Variants in WRN observed in about 807,000 individuals in gnomAD.
WRN encodes the protein bifunctional 3'-5' exonuclease/ATP-dependent helicase WRN.
A neutral mutation model predicts 180.7 loss-of-function variants in WRN; 149 were observed. The ratio of observed to expected loss-of-function variants is 0.82; its 90% CI spans 0.72 to 0.94. WRN has a LOEUF of 0.94. Ranked by LOEUF, WRN falls within the 40% of genes least tolerant of loss-of-function variation. The probability of loss-of-function intolerance (pLI) is 0.00; values close to 1 mark genes in which losing one functional copy is unlikely to be tolerated. For missense variants in WRN, 1,661 were observed against 1,700.1 expected, an observed-to-expected ratio of 0.98 and a Z score of 0.40; for synonymous variants, 548 against 568.9, an observed-to-expected ratio of 0.96 and a Z score of 0.52.
At chr8:31,092,314 TTG>T (rs779706140) in intron 16 of WRN, among the ~76,000 whole-genome samples, 1 of 151,918 alleles carries the variant, frequency 6.6e-6, no homozygotes, top group African/African-American at 2.4e-5. Context: ...GACAAGTAAT[TTG>T]CCCAAAATCA....
intron 20 of WRN, among the ~76,000 whole-genome samples, chr8:31,117,974 G>C (rs570850684): frequency 2.0e-5 from 3 of 152,214 alleles, no homozygotes; most frequent in African/African-American, 7.2e-5. Flanking sequence ...TGGTACTACT[G>C]AATCTTAATA....
Position 31,072,633 on chromosome 8 carries a change from C to T in WRN, c.725-3540C>T, listed in dbSNP as rs560403144. On this transcript the variant is annotated intron_variant, in intron 7 of 34. Coordinates refer to ENST00000298139, the MANE Select transcript of WRN (RefSeq NM_000553.6). ...CAGGCCTCTGCATCTGGCTTGAAAA[C>T]AACATTTTCTCAGAAGCTTGTTTTA... Among the ~76,000 whole-genome samples the T allele has an allele frequency of 8.5e-5, 13 of 152,304 alleles. No homozygotes were observed. The East Asian group carries it at 2.1e-3, about 25-fold the overall frequency.
At chr8:31,083,980 A>C (rs1483322069) in intron 10 of WRN, among the ~76,000 whole-genome samples, 1 of 152,054 alleles carries the variant, frequency 6.6e-6, no homozygotes, top group African/African-American at 2.4e-5. Context: ...ACTAATTTTA[A>C]ATGTGCTTTC....
At position 31,174,239 on chromosome 8, in the gene WRN, T is replaced by G. The variant is rs1804199880; in HGVS notation, c.*1137T>G. On this transcript the variant is annotated 3_prime_UTR_variant, in exon 35 of 35. Transcript: ENST00000298139. ...GATATGTTGTTGTCCAGCCATGGCT[T>G]CTGCATTTGCATGCTTTTGTGTGTG... is the stretch of plus-strand genomic sequence containing the variant. Among the ~76,000 whole-genome samples the G allele has an allele frequency of 6.6e-6, 1 of 152,248 alleles. No homozygotes were observed. The highest frequency in any genetic ancestry group is 2.4e-5 in the African/African-American group (1 of 41,470).
chr8:31,132,908 A>G (rs184556414), intron 24 of WRN, among the ~76,000 whole-genome samples: 3 of 152,352 alleles, frequency 2.0e-5, no homozygotes, highest in Admixed American at 1.3e-4. Context: ...AACTTTAGTT[A>G]TAGGGATTAT....
At chr8:31,071,737 C>T (rs974510364) in intron 7 of WRN, among the ~76,000 whole-genome samples, 1 of 152,186 alleles carries the variant, frequency 6.6e-6, no homozygotes, top group East Asian at 1.9e-4. Context: ...CCACCTCAGC[C>T]TCCCAAAGTG....
At chr8:31,123,909 T>C (rs946030249) in intron 21 of WRN, among the ~76,000 whole-genome samples, 1 of 152,108 alleles carries the variant, frequency 6.6e-6, no homozygotes, top group Non-Finnish European at 1.5e-5. Context: ...TATTTAACAA[T>C]TTTGAATAAA....
Position 31,157,423 on chromosome 8 carries a change from C to T in WRN, c.3875C>T (p.Ser1292Phe), listed in dbSNP as rs142614369. 2 of 1,614,010 alleles carry T rather than the reference C, an allele frequency of 1.2e-6. No homozygotes were observed. Among genetic ancestry groups the T allele is most frequent in the East Asian group, 2.2e-5 (1 of 44,892 alleles). The stretch of plus-strand genomic sequence containing the variant: ...CTCATGACAATTGGCATGCACTTAT[C>T]CCAAGCGGTGAAAGCTGGCTGCCCC... ...LPLMTIGMHL[S>F]QAVKAGCPLD... is the part of the protein sequence containing the mutation. The change falls in exon 33 of 35, where the codon TCC becomes TTC. Residue 1292 changes from serine to phenylalanine, a missense_variant. Transcript: ENST00000298139.
chr8:31,138,361 A>T (rs1258925494), intron 24 of WRN, among the ~76,000 whole-genome samples: 2 of 152,198 alleles, frequency 1.3e-5, no homozygotes, highest in Non-Finnish European at 2.9e-5. Context: ...ATTTGATGTT[A>T]TGGGTTACCT....
intron 11 of WRN, among the ~76,000 whole-genome samples, chr8:31,087,068 C>A (rs1813563022): frequency 6.7e-6 from 1 of 149,952 alleles, no homozygotes; most frequent in Non-Finnish European, 1.5e-5. Context: ...TAAAAAAAAA[C>A]CTTCAAAATG....
chr8:31,151,826 A>G (rs1242747540), intron 31 of WRN, among the ~76,000 whole-genome samples: 2 of 152,160 alleles, frequency 1.3e-5, no homozygotes, highest in Non-Finnish European at 2.9e-5. Context: ...GCAAATTGAA[A>G]TGAATTATTT....
intron 31 of WRN, among the ~76,000 whole-genome samples, chr8:31,151,466 C>A (rs571669812): frequency 6.6e-6 from 1 of 152,180 alleles, no homozygotes; most frequent in African/African-American, 2.4e-5. Flanking sequence ...TTTGAATTTT[C>A]TTTTTCATAC....
intron 1 of WRN, among the ~76,000 whole-genome samples, chr8:31,043,253 A>G (rs1002765326): frequency 6.6e-6 from 1 of 152,210 alleles, no homozygotes; most frequent in Non-Finnish European, 1.5e-5. Flanking sequence ...CCCGTACCAG[A>G]GGAGAGTCCC....
intron 1 of WRN, among the ~76,000 whole-genome samples, chr8:31,046,954 G>T (rs543887549): frequency 3.3e-5 from 5 of 152,228 alleles, no homozygotes; most frequent in African/African-American, 1.2e-4. Context: ...TGTCCGAAAA[G>T]ACTGTATTTG....
Position 31,167,237 on chromosome 8 carries a change from A to G in WRN, c.4191+7A>G, listed in dbSNP as rs748443190. 128 of 1,606,378 alleles carry G rather than the reference A, an allele frequency of 8.0e-5. No homozygotes were observed. Among genetic ancestry groups the G allele is most frequent in the Non-Finnish European group, 1.1e-4 (126 of 1,174,808 alleles). ...AGTAGGCATCAATACTGAGGTATTA[A>G]TTATATATAGAATTTTCATAAAGTG... On this transcript the variant is annotated splice_region_variant and intron_variant, in intron 34 of 34. Transcript: ENST00000298139.
At position 31,126,541 on chromosome 8, in the gene WRN, G is replaced by T. The variant is rs11574325; in HGVS notation, c.2825+1541G>T. Among the ~76,000 whole-genome samples the T allele has an allele frequency of 1.6e-3, 237 of 152,122 alleles. 12 individuals are homozygous for T. The East Asian group carries it at 0.039, about 25-fold the overall frequency. On this transcript the variant is annotated intron_variant, in intron 23 of 34. Coordinates refer to ENST00000298139, the MANE Select transcript of WRN (RefSeq NM_000553.6). The stretch of plus-strand genomic sequence containing the variant: ...ATACCTATGTAATAAAAGAAGAAAG[G>T]TCTCAAATCAGTACCTAAGCTTACA...
chr8:31,172,686 G>C lies in WRN; in HGVS notation c.4192-309G>C, dbSNP rs553061329. 7.9e-4 allele frequency among the ~76,000 whole-genome samples: 120 copies of C among 152,266 alleles called. 2 individuals are homozygous for C. Among genetic ancestry groups the C allele is most frequent in the African/African-American group, 2.9e-3 (119 of 41,550 alleles). On this transcript the variant is annotated intron_variant, in intron 34 of 34. Coordinates refer to ENST00000298139, the MANE Select transcript of WRN (RefSeq NM_000553.6). ...AATTCACCATTTTGGTCAACTCAAAGCAAGTACACCATGGGACACAGATCT... is the reference window on the plus strand; with the variant it reads ...AATTCACCATTTTGGTCAACTCAAACCAAGTACACCATGGGACACAGATCT...
intron 21 of WRN, among the ~76,000 whole-genome samples, chr8:31,122,860 GTTTTTTT>G (rs71206298): frequency 5.9e-4 from 41 of 69,482 alleles, no homozygotes; most frequent in Middle Eastern, 0.014. Flanking sequence ...TTCTTTTCTT[GTTTTTTT>G]TTTTTTTTTT....
At chr8:31,046,034 A>G (rs1811848757) in intron 1 of WRN, among the ~76,000 whole-genome samples, 1 of 152,076 alleles carries the variant, frequency 6.6e-6, no homozygotes. Flanking sequence ...TGTTAGGTTT[A>G]TTCCCAGGCA....
Sources: gnomAD v4.1 joint callset for allele counts (sites outside exome capture counted in the v4.1 genomes callset) on GRCh38, gnomAD v4.1.1 for gene constraint, MANE v1.5 for transcripts, NCBI Gene and HGNC (gene_info 2026-07-23, HGNC 2026-07-21) for gene names.